CSMD1: variants seen among roughly 807,000 people sequenced by gnomAD.
CSMD1 encodes the protein CUB and sushi domain-containing protein 1.
In CSMD1, 213 loss-of-function variants were observed where a neutral mutation model predicts 417.5. That is an observed-to-expected ratio of 0.51 (90% CI 0.46 to 0.57). The LOEUF (loss-of-function observed/expected upper bound fraction) is 0.57, where lower values mean the gene tolerates loss of function less well. CSMD1 is among the 20% of genes least tolerant of loss of function. The probability of loss-of-function intolerance (pLI) is 0.00; values close to 1 mark genes in which losing one functional copy is unlikely to be tolerated. For missense variants in CSMD1, 6,923 were observed against 4,529.7 expected, an observed-to-expected ratio of 1.53 and a Z score of -15.17; for synonymous variants, 2,862 against 1,736.8, an observed-to-expected ratio of 1.65 and a Z score of -16.11.
intron 3 of CSMD1, among the ~76,000 whole-genome samples, chr8:4,221,716 C>A (rs1223844957): frequency 6.6e-6 from 1 of 152,134 alleles, no homozygotes; most frequent in Non-Finnish European, 1.5e-5. Context: ...GCTTTCTCTC[C>A]AGAGATGCTC....
At chr8:4,058,158 A>T (rs1404320733) in intron 3 of CSMD1, among the ~76,000 whole-genome samples, 1 of 152,114 alleles carries the variant, frequency 6.6e-6, no homozygotes, top group Non-Finnish European at 1.5e-5. Context: ...GACTCTTCCT[A>T]CCCATGAGCA....
chr8:4,423,287 G>C (rs1399169230), intron 2 of CSMD1, among the ~76,000 whole-genome samples: 2 of 151,988 alleles, frequency 1.3e-5, no homozygotes, highest in Admixed American at 1.3e-4. Context: ...TTTGAAGTTG[G>C]CATGATGATC....
chr8:4,064,434 T>A (rs1425373010), intron 3 of CSMD1, among the ~76,000 whole-genome samples: 5 of 152,226 alleles, frequency 3.3e-5, no homozygotes, highest in Non-Finnish European at 7.3e-5. Context: ...TCTGCGGGCT[T>A]TGCCCAAGTT....
chr8:3,694,213 C>A (rs1800418997), intron 7 of CSMD1, among the ~76,000 whole-genome samples: 1 of 152,030 alleles, frequency 6.6e-6, no homozygotes. Flanking sequence ...GCAGGGACCT[C>A]TGAAACCCAG....
intron 69 of CSMD1, among the ~76,000 whole-genome samples, chr8:2,941,568 G>T (rs1351698013): frequency 3.3e-5 from 5 of 152,144 alleles, no homozygotes; most frequent in Non-Finnish European, 5.9e-5. Context: ...GGAGTTTATA[G>T]TTCCTCCAAA....
intron 1 of CSMD1, among the ~76,000 whole-genome samples, chr8:4,796,128 C>G (rs1022138747): frequency 1.3e-5 from 2 of 151,800 alleles, no homozygotes; most frequent in Non-Finnish European, 2.9e-5. Flanking sequence ...TGGAGAGATC[C>G]AGGACCAAAA....
At chr8:3,452,026 C>G (rs1354800806) in intron 12 of CSMD1, among the ~76,000 whole-genome samples, 1 of 152,080 alleles carries the variant, frequency 6.6e-6, no homozygotes, top group Non-Finnish European at 1.5e-5. Context: ...CGAAGAGGTC[C>G]TTCACATCCC....
At chr8:3,374,797 G>A (rs1810203205) in intron 18 of CSMD1, among the ~76,000 whole-genome samples, 1 of 152,026 alleles carries the variant, frequency 6.6e-6, no homozygotes, top group Non-Finnish European at 1.5e-5. Context: ...AGCCCTCTGG[G>A]GATTCTTTAG....
intron 7 of CSMD1, among the ~76,000 whole-genome samples, chr8:3,649,721 T>A (rs556644475): frequency 6.6e-6 from 1 of 152,224 alleles, no homozygotes; most frequent in African/African-American, 2.4e-5. Context: ...TAATTCAAGA[T>A]GAGATTTGAG....
chr8:3,338,421 CAAGA>C (rs1807416772), intron 23 of CSMD1, among the ~76,000 whole-genome samples: 1 of 152,132 alleles, frequency 6.6e-6, no homozygotes, highest in African/African-American at 2.4e-5. Context: ...CAGCTAAGTA[CAAGA>C]AAGGGATAGA....
intron 2 of CSMD1, among the ~76,000 whole-genome samples, chr8:4,541,858 GA>G (rs1797403458): frequency 1.3e-5 from 2 of 152,146 alleles, no homozygotes; most frequent in South Asian, 4.1e-4. Context: ...TCAGCAATAT[GA>G]AATGCCAGGG....
intron 4 of CSMD1, among the ~76,000 whole-genome samples, chr8:4,023,962 G>A (rs1399274252): frequency 3.3e-5 from 5 of 151,446 alleles, no homozygotes; most frequent in African/African-American, 9.7e-5. Flanking sequence ...CATTAAGAGC[G>A]ACTTCATTAT....
At position 3,557,081 on chromosome 8, in the gene CSMD1, C is replaced by T. The variant is rs540858172; in HGVS notation, c.1344+17864G>A. ...ACACAGAATGGCAAGTGCAATGGAA[C>T]ACAATACAGGCGGCCAAATCCATTC... On this transcript the variant is annotated intron_variant, in intron 10 of 69. Transcript: ENST00000635120. Among the ~76,000 whole-genome samples the T allele has an allele frequency of 3.9e-5, 6 of 152,310 alleles. No individual in the cohort carries two copies. The South Asian group carries it at 1.2e-3, about 32-fold the overall frequency.
intron 50 of CSMD1, among the ~76,000 whole-genome samples, chr8:3,046,805 T>C (rs1811475882): frequency 6.6e-6 from 1 of 152,228 alleles, no homozygotes; most frequent in South Asian, 2.1e-4. Flanking sequence ...AATTCTTTGA[T>C]ACCTCAAGTT....
chr8:3,793,442 C>A (rs1799863748), intron 5 of CSMD1, among the ~76,000 whole-genome samples: 1 of 152,062 alleles, frequency 6.6e-6, no homozygotes, highest in Non-Finnish European at 1.5e-5. Flanking sequence ...TGCAAGAACT[C>A]CCCTTTCTAG....
intron 23 of CSMD1, among the ~76,000 whole-genome samples, chr8:3,326,427 G>A (rs773815986): frequency 6.6e-6 from 1 of 152,214 alleles, no homozygotes; most frequent in Non-Finnish European, 1.5e-5. Context: ...CCTTGAAACA[G>A]ACGAAGGTAT....
chr8:3,223,898 G>C (rs534420341), intron 27 of CSMD1, 31 bp from the exon 28 acceptor site: 81 of 1,611,168 alleles, frequency 5.0e-5, no homozygotes, highest in Non-Finnish European at 6.5e-5. Context: ...CAGAGAAAAA[G>C]TAAGGACAGC....
At chr8:4,483,961 G>C (rs768649919) in intron 2 of CSMD1, among the ~76,000 whole-genome samples, 1 of 152,148 alleles carries the variant, frequency 6.6e-6, no homozygotes, top group East Asian at 1.9e-4. Context: ...CTCATTGACA[G>C]TCCTGCGTTT....
At chr8:3,234,476 G>C (rs1036125561) in intron 26 of CSMD1, among the ~76,000 whole-genome samples, 1 of 152,076 alleles carries the variant, frequency 6.6e-6, no homozygotes, top group Non-Finnish European at 1.5e-5. Context: ...CTTGAAAACA[G>C]CACTCTCAGT....
Sources: gnomAD v4.1 joint callset for allele counts (sites outside exome capture counted in the v4.1 genomes callset) on GRCh38, gnomAD v4.1.1 for gene constraint, MANE v1.5 for transcripts, NCBI Gene and HGNC (gene_info 2026-07-23, HGNC 2026-07-21) for gene names.